The following CSMD2 variants were observed in gnomAD, a reference collection of about 807,000 sequenced individuals.
CSMD2 encodes the protein CUB and Sushi multiple domains 2, also known as CUB and sushi domain-containing protein 2.
CSMD2 carries 130 observed loss-of-function variants against 398.5 expected under a neutral mutation model. The ratio of observed to expected loss-of-function variants is 0.33; its 90% CI spans 0.28 to 0.38. The LOEUF (loss-of-function observed/expected upper bound fraction) is 0.38. Ranked by LOEUF, CSMD2 falls within the 10% of genes least tolerant of loss-of-function variation. The pLI is 1.00. For missense variants in CSMD2, 3,829 were observed against 4,764.9 expected, an observed-to-expected ratio of 0.80 and a Z score of 5.78; for synonymous variants, 1,828 against 1,908.5, an observed-to-expected ratio of 0.96 and a Z score of 1.10.
chr1:33,859,938 A>G (rs1639365659), intron 5 of CSMD2, among the ~76,000 whole-genome samples: 1 of 152,158 alleles, frequency 6.6e-6, no homozygotes, highest in African/African-American at 2.4e-5. Context: ...GCACATTGCT[A>G]TCAACTGGAA....
intron 5 of CSMD2, among the ~76,000 whole-genome samples, chr1:33,915,597 C>A (rs74069792): frequency 6.6e-6 from 1 of 152,260 alleles, no homozygotes; most frequent in African/African-American, 2.4e-5. Context: ...GTTTGGACAA[C>A]GTGTAGACTC....
At chr1:33,605,849 T>G (rs1362888839) in intron 41 of CSMD2, 1 of 1,607,488 alleles carries the variant, frequency 6.2e-7, no homozygotes, top group Non-Finnish European at 8.5e-7. Flanking sequence ...TTCATGTTGC[T>G]TATCTCATTG....
chr1:33,751,905 A>G (rs532469161), intron 13 of CSMD2, among the ~76,000 whole-genome samples: 45 of 152,240 alleles, frequency 3.0e-4, no homozygotes, highest in Non-Finnish European at 6.0e-4. Flanking sequence ...GATTACAGGC[A>G]TGAGCCACTG....
chr1:34,128,312 T>A (rs1211441008), intron 1 of CSMD2, among the ~76,000 whole-genome samples: 5 of 152,100 alleles, frequency 3.3e-5, no homozygotes, highest in African/African-American at 1.2e-4. Context: ...GCGGAAAACC[T>A]CTCCGGCTCA....
chr1:33,633,468 G>A lies in CSMD2; in HGVS notation c.5154C>T (p.His1718=), dbSNP rs1022831891. ...LNDVVEVHDG[H]SQHSRLLSSL... is the part of the protein sequence containing the mutation. ...AGCTGAGGAGCCGCGAGTGCTGGCT[G>A]TGGCCGTCGTGAACCTCCACCACGT... The change falls in exon 32 of 71, where the codon CAC becomes CAT. Residue 1718 remains histidine (H), a synonymous_variant. Transcript: ENST00000373381. This position sits in a 1 kb window ranked among gnomAD's most constrained non-coding sequence, Gnocchi z 5.0. 9.6e-6 allele frequency: 15 copies of A among 1,554,508 alleles called. No individual in the cohort carries two copies. The highest frequency in any genetic ancestry group is 1.2e-5 in the Non-Finnish European group (14 of 1,148,576).
rs1325773140 is a variant in CSMD2, at chr1:33,716,323, G to T, written c.3180C>A (p.Phe1060Leu). 6.2e-7 allele frequency: 1 copy of T among 1,614,202 alleles called. No individual in the cohort carries two copies. Among genetic ancestry groups the T allele is most frequent in the Non-Finnish European group, 8.5e-7 (1 of 1,180,036 alleles). The change falls in exon 20 of 71, where the codon TTC becomes TTA. Residue 1060 changes from phenylalanine (F) to leucine (L), a missense_variant. By Grantham distance (22) the Phe-to-Leu change is conservative (BLOSUM62 0). Coordinates refer to ENST00000373381, the MANE Select transcript of CSMD2 (RefSeq NM_001281956.2). The part of the protein sequence containing the change: ...FTAQVRFISD[F>L]SMSYEGFNIT... The stretch of plus-strand genomic sequence containing the variant: ...TGTTGAATCCTTCATATGACATGGA[G>T]AAATCAGAGATGAAGCGGACCTGGG...
intron 10 of CSMD2, among the ~76,000 whole-genome samples, chr1:33,794,970 G>A (rs1281739268): frequency 6.6e-6 from 1 of 152,022 alleles, no homozygotes; most frequent in African/African-American, 2.4e-5. Flanking sequence ...GAGGCGGGAT[G>A]TGGACCTGTA....
intron 44 of CSMD2, among the ~76,000 whole-genome samples, chr1:33,596,733 T>G (rs141281994): frequency 1.6e-3 from 237 of 152,286 alleles, no homozygotes; most frequent in Middle Eastern, 0.01. Context: ...GCCCCCATGA[T>G]TCAATTATCT....
chr1:33,898,957 C>T (rs536024387), intron 5 of CSMD2, among the ~76,000 whole-genome samples: 30 of 152,304 alleles, frequency 2.0e-4, no homozygotes, highest in African/African-American at 7.2e-4. Flanking sequence ...GCAGGCCTGC[C>T]TGTGACTCTT....
intron 5 of CSMD2, among the ~76,000 whole-genome samples, chr1:33,892,569 G>A (rs960677928): frequency 6.6e-6 from 1 of 152,098 alleles, no homozygotes; most frequent in South Asian, 2.1e-4. Context: ...AGAACATACG[G>A]CATTTGGTTT....
intron 9 of CSMD2, among the ~76,000 whole-genome samples, chr1:33,813,491 A>G (rs997336078): frequency 6.6e-6 from 1 of 152,130 alleles, no homozygotes; most frequent in African/African-American, 2.4e-5. Flanking sequence ...GAATGAACAT[A>G]TCATTTTGTT....
chr1:33,900,847 C>T (rs1642707430), intron 5 of CSMD2, among the ~76,000 whole-genome samples: 1 of 151,928 alleles, frequency 6.6e-6, no homozygotes, highest in South Asian at 2.1e-4. Context: ...TAGTACAGTG[C>T]CTGAAACATG....
intron 24 of CSMD2, among the ~76,000 whole-genome samples, chr1:33,693,638 T>C (rs1645317199): frequency 6.6e-6 from 1 of 152,156 alleles, no homozygotes; most frequent in Non-Finnish European, 1.5e-5. Flanking sequence ...AACTTGAACA[T>C]GAATGTTCAT....
intron 6 of CSMD2, among the ~76,000 whole-genome samples, chr1:33,829,465 T>C (rs1188430501): frequency 6.6e-6 from 1 of 152,222 alleles, no homozygotes; most frequent in East Asian, 1.9e-4. Context: ...TATATATACA[T>C]GTGTCATGTC....
At chr1:34,151,314 A>T (rs1344177383) in intron 1 of CSMD2, among the ~76,000 whole-genome samples, 1 of 152,172 alleles carries the variant, frequency 6.6e-6, no homozygotes, top group East Asian at 1.9e-4. Context: ...AGCCAGTCCC[A>T]ATGCTCCTAG....
At chr1:33,712,197 C>T (rs1202202040) in intron 21 of CSMD2, among the ~76,000 whole-genome samples, 1 of 152,166 alleles carries the variant, frequency 6.6e-6, no homozygotes, top group Non-Finnish European at 1.5e-5. Context: ...AGGTCTTCTC[C>T]ATCACACCAG....
chr1:33,887,626 T>C (rs1329078068), intron 5 of CSMD2, among the ~76,000 whole-genome samples: 2 of 152,186 alleles, frequency 1.3e-5, no homozygotes, highest in Non-Finnish European at 1.5e-5. Context: ...GAAAAAACTC[T>C]AGAACTAATT....
chr1:33,864,103 C>A, intron 5 of CSMD2: 1 of 1,301,026 alleles, frequency 7.7e-7, no homozygotes, highest in Non-Finnish European at 1.1e-6. Flanking sequence ...GCTGCAAGTA[C>A]AGCACTTTCT....
At chr1:33,645,468 G>C (rs548810290) in intron 29 of CSMD2, among the ~76,000 whole-genome samples, 5 of 151,684 alleles carry the variant, frequency 3.3e-5, no homozygotes, top group Admixed American at 3.3e-4. Flanking sequence ...GCAACAATTT[G>C]TAGATGATGT....
Sources: gnomAD v4.1 joint callset for allele counts (sites outside exome capture counted in the v4.1 genomes callset) on GRCh38, gnomAD v4.1.1 for gene constraint, Gnocchi (gnomAD v3.1) non-coding constraint, MANE v1.5 for transcripts, NCBI Gene and HGNC (gene_info 2026-07-23, HGNC 2026-07-21) for gene names.